KCNMB2: variants seen among roughly 807,000 people sequenced by gnomAD.
KCNMB2 encodes calcium-activated potassium channel subunit beta-2.
KCNMB2 carries 9 observed loss-of-function variants against 24.5 expected under a neutral mutation model. The ratio of observed to expected loss-of-function variants is 0.37; its 90% confidence interval spans 0.22 to 0.64. KCNMB2 has a LOEUF of 0.64. Ranked by LOEUF, KCNMB2 falls within the 30% of genes least tolerant of loss-of-function variation. KCNMB2 has a pLI of 0.63. For synonymous variants in KCNMB2, 109 were observed against 104.4 expected (o/e 1.04, Z -0.27); for missense variants, 226 against 284.3 (o/e 0.79, Z 1.47).
At chr3:178,602,322 G>T (rs1003346853) in intron 1 of KCNMB2, among the ~76,000 whole-genome samples, 3 of 151,936 alleles carry the variant, frequency 2.0e-5, no homozygotes, top group Non-Finnish European at 2.9e-5. Context: ...TATATATATC[G>T]ATTTTTTTTG....
In KCNMB2 at chr3:178,669,000, G is replaced by A. The variant is rs77316614; in HGVS notation, c.-68+132289G>A. ...CATAAAAAGATATTTACATAGCTCA[G>A]AGGGTTTTCCCTGTCTTCTGCTTCT... On this transcript the variant is annotated intron_variant, in intron 1 of 4. Transcript: ENST00000452583. Among the ~76,000 whole-genome samples the A allele has an allele frequency of 7.6e-3, 1,153 of 152,260 alleles. 15 individuals carry two copies. The highest frequency in any genetic ancestry group is 0.027 in the African/African-American group (1,119 of 41,554).
At chr3:178,576,102 C>A (rs1716978469) in intron 1 of KCNMB2, among the ~76,000 whole-genome samples, 1 of 151,980 alleles carries the variant, frequency 6.6e-6, no homozygotes, top group African/African-American at 2.4e-5. Context: ...CCAGCAAGAT[C>A]AATGCAGAAG....
chr3:178,574,761 C>A (rs566624776), intron 1 of KCNMB2, among the ~76,000 whole-genome samples: 76 of 152,284 alleles, frequency 5.0e-4, no homozygotes, highest in African/African-American at 1.8e-3. Flanking sequence ...ACAATGTACA[C>A]AATTTAAATA....
At chr3:178,834,521 G>A (rs1283694276) in intron 4 of KCNMB2, among the ~76,000 whole-genome samples, 1 of 152,112 alleles carries the variant, frequency 6.6e-6, no homozygotes, top group Non-Finnish European at 1.5e-5. Context: ...TTAGGATCAA[G>A]TAAGAAACAA....
chr3:178,748,231 G>A (rs1400242698), intron 1 of KCNMB2: 1 of 152,202 alleles, frequency 6.6e-6, no homozygotes, highest in Admixed American at 6.5e-5. Context: ...AAGAAATTGA[G>A]AAATATTCCA....
At chr3:178,740,111 C>T (rs1301840773) in intron 1 of KCNMB2, among the ~76,000 whole-genome samples, 7 of 151,678 alleles carry the variant, frequency 4.6e-5, no homozygotes, top group Non-Finnish European at 8.8e-5. Flanking sequence ...GCTTCTGCTT[C>T]GTAAACATTT....
At chr3:178,813,204 T>C (rs916482869) in intron 2 of KCNMB2, among the ~76,000 whole-genome samples, 1 of 152,168 alleles carries the variant, frequency 6.6e-6, no homozygotes, top group African/African-American at 2.4e-5. Context: ...GTACTACCTT[T>C]GTATTGAAAT....
intron 1 of KCNMB2, among the ~76,000 whole-genome samples, chr3:178,606,456 T>A (rs1718273460): frequency 7.3e-6 from 1 of 137,744 alleles, no homozygotes; most frequent in Non-Finnish European, 1.5e-5. Flanking sequence ...GTGTTATGCC[T>A]TTCTTCTTTC....
At chr3:178,758,042 CT>C (rs1724232418) in intron 1 of KCNMB2, among the ~76,000 whole-genome samples, 1 of 2,662 alleles carries the variant, frequency 3.8e-4, no homozygotes, top group Non-Finnish European at 8.6e-4. Flanking sequence ...ATATATATAT[CT>C]AGATATATAT....
intron 1 of KCNMB2, among the ~76,000 whole-genome samples, chr3:178,611,709 A>C (rs1560130284): frequency 1.3e-5 from 2 of 152,064 alleles, no homozygotes; most frequent in Non-Finnish European, 2.9e-5. Flanking sequence ...TGTCTCACAA[A>C]AAACAAACAA....
chr3:178,595,465 C>A (rs1433738733), intron 1 of KCNMB2, among the ~76,000 whole-genome samples: 1 of 152,034 alleles, frequency 6.6e-6, no homozygotes, highest in Non-Finnish European at 1.5e-5. Flanking sequence ...CAAATCTTAT[C>A]TTGAATTGCA....
chr3:178,729,063 G>A (rs551156450), intron 1 of KCNMB2, among the ~76,000 whole-genome samples: 23 of 152,134 alleles, frequency 1.5e-4, no homozygotes, highest in South Asian at 6.2e-4. Context: ...GAAGTTACCC[G>A]TGTGATACCA....
intron 1 of KCNMB2, among the ~76,000 whole-genome samples, chr3:178,791,200 T>C (rs1713310473): frequency 6.6e-6 from 1 of 152,150 alleles, no homozygotes; most frequent in Non-Finnish European, 1.5e-5. Flanking sequence ...AGCATAGCTG[T>C]TTTAAGGAAG....
intron 1 of KCNMB2, among the ~76,000 whole-genome samples, chr3:178,655,945 G>A (rs1476710427): frequency 6.6e-6 from 1 of 152,164 alleles, no homozygotes; most frequent in Non-Finnish European, 1.5e-5. Context: ...ACCGGGGATG[G>A]AACAGCAATG....
At chr3:178,599,677 A>G (rs1718008636) in intron 1 of KCNMB2, among the ~76,000 whole-genome samples, 1 of 152,196 alleles carries the variant, frequency 6.6e-6, no homozygotes, top group Admixed American at 6.6e-5. Context: ...AGTATTAAGC[A>G]CATTCACATT....
intron 1 of KCNMB2, among the ~76,000 whole-genome samples, chr3:178,683,061 A>G (rs1219199957): frequency 2.0e-5 from 3 of 152,078 alleles, no homozygotes; most frequent in Non-Finnish European, 4.4e-5. Context: ...AACACTATTC[A>G]CCATGGCAAA....
chr3:178,820,351 C>T (rs1179075603), intron 2 of KCNMB2, among the ~76,000 whole-genome samples: 1 of 152,206 alleles, frequency 6.6e-6, no homozygotes, highest in African/African-American at 2.4e-5. Flanking sequence ...ACTCAGCTCC[C>T]TTGGGACTCT....
intron 1 of KCNMB2, among the ~76,000 whole-genome samples, chr3:178,767,195 T>G (rs1350420646): frequency 6.6e-6 from 1 of 152,224 alleles, no homozygotes; most frequent in Non-Finnish European, 1.5e-5. Flanking sequence ...TAAGCAACTG[T>G]ATTATATTTA....
chr3:178,774,662 C>T (rs932323205), intron 1 of KCNMB2, among the ~76,000 whole-genome samples: 1 of 152,212 alleles, frequency 6.6e-6, no homozygotes, highest in African/African-American at 2.4e-5. Flanking sequence ...CCGCTCTGGA[C>T]TGTAATGAAG....
Sources: allele counts gnomAD v4.1 joint callset (sites outside exome capture counted in the v4.1 genomes callset), GRCh38; gene constraint gnomAD v4.1.1; transcripts MANE v1.5; gene names NCBI Gene and HGNC (gene_info 2026-07-23, HGNC 2026-07-21).